PAPPA2: variants seen among roughly 807,000 people sequenced by gnomAD.
The protein encoded by PAPPA2 is pappalysin 2.
In PAPPA2, 86 loss-of-function variants were observed where a neutral mutation model predicts 176.4. The observed-to-expected ratio is 0.49, with a 90% CI of 0.41 to 0.58. The LOEUF is 0.58. Among genes scored for constraint, PAPPA2 ranks in the 20% least tolerant of loss-of-function variants. The probability of loss-of-function intolerance (pLI) is 0.00; values close to 1 mark genes in which losing one functional copy is unlikely to be tolerated. For synonymous variants in PAPPA2, 809 were observed against 852.2 expected, an observed-to-expected ratio of 0.95 and a Z score of 0.88; for missense variants, 2,073 against 2,256.9, an observed-to-expected ratio of 0.92 and a Z score of 1.65.
At chr1:176,744,736 A>T (rs140264336) in intron 14 of PAPPA2, among the ~76,000 whole-genome samples, 1 of 152,192 alleles carries the variant, frequency 6.6e-6, no homozygotes, top group Non-Finnish European at 1.5e-5. Flanking sequence ...TGGCTTCATT[A>T]CTATTCTCTC....
chr1:176,639,522 A>G (rs1394200827), intron 3 of PAPPA2, among the ~76,000 whole-genome samples: 3 of 152,070 alleles, frequency 2.0e-5, no homozygotes, highest in Non-Finnish European at 4.4e-5. Context: ...TTCAAACAGT[A>G]AAGGAATAGT....
chr1:176,539,316 G>A (rs1348220782), intron 1 of PAPPA2, among the ~76,000 whole-genome samples: 1 of 152,206 alleles, frequency 6.6e-6, no homozygotes, highest in Non-Finnish European at 1.5e-5. Flanking sequence ...CCAGGGGCAG[G>A]TTGAAGGCAC....
rs531751528 is a variant in PAPPA2 at position 176,640,180 on chromosome 1, A to ATTAT, written c.1992-30772_1992-30769dup. 6.3e-4 allele frequency among the ~76,000 whole-genome samples: 94 copies of ATTAT among 148,812 alleles called. 1 individual carries two copies. In the East Asian group the frequency reaches 0.013, roughly 21 times the overall value. ...AATTTTATTTTTTATTTTTATTTTT[A>ATTAT]TTATTTATTTATTTATTTATTATTA... On this transcript the variant is annotated intron_variant, in intron 3 of 22. Transcript: ENST00000367662.
At chr1:176,645,420 G>A (rs1657343000) in intron 3 of PAPPA2, among the ~76,000 whole-genome samples, 1 of 151,676 alleles carries the variant, frequency 6.6e-6, no homozygotes. Flanking sequence ...CAAATGACAG[G>A]ATTTCATTCT....
At chr1:176,775,590 T>G (rs1023531800) in intron 17 of PAPPA2, among the ~76,000 whole-genome samples, 1 of 152,164 alleles carries the variant, frequency 6.6e-6, no homozygotes, top group African/African-American at 2.4e-5. Context: ...ACCAGAACAA[T>G]GCTTCTCATA....
At chr1:176,464,754 A>G (rs370459498) in intron 1 of PAPPA2, among the ~76,000 whole-genome samples, 2 of 152,368 alleles carry the variant, frequency 1.3e-5, no homozygotes, top group South Asian at 2.1e-4. Flanking sequence ...CTTCTTAACT[A>G]GTTCACTGTA....
At chr1:176,602,288 C>T (rs1180014505) in intron 3 of PAPPA2, among the ~76,000 whole-genome samples, 2 of 152,142 alleles carry the variant, frequency 1.3e-5, no homozygotes, top group African/African-American at 2.4e-5. Flanking sequence ...GCAAGGCTTG[C>T]CCATGGCACA....
chr1:176,713,928 A>G (rs1338929900), intron 12 of PAPPA2, among the ~76,000 whole-genome samples: 1 of 152,202 alleles, frequency 6.6e-6, no homozygotes, highest in Non-Finnish European at 1.5e-5. Context: ...AAGAGGTTTA[A>G]GAGCTAATAA....
rs1330050275 is a variant in PAPPA2 at position 176,688,946 on chromosome 1, C to T, written c.2138-1191C>T. Among the ~76,000 whole-genome samples the T allele has an allele frequency of 2.6e-5, 4 of 152,304 alleles. 1 individual carries two copies. The highest frequency in any genetic ancestry group is 9.6e-5 in the African/African-American group (4 of 41,560). On this transcript the variant is annotated intron_variant, in intron 4 of 22. Coordinates refer to ENST00000367662, the MANE Select transcript of PAPPA2 (RefSeq NM_020318.3). Reference sequence around the variant, plus strand: ...GGCAAGAGAAAGGCAGAGCTATTCTCCTGGAGGACCTGCTATACTCAGAAG... The same window carrying T: ...GGCAAGAGAAAGGCAGAGCTATTCTTCTGGAGGACCTGCTATACTCAGAAG...
At chr1:176,628,220 A>G (rs1304496184) in intron 3 of PAPPA2, among the ~76,000 whole-genome samples, 2 of 86,750 alleles carry the variant, frequency 2.3e-5, no homozygotes, top group Admixed American at 2.0e-4. Context: ...CAAGGGCAGG[A>G]GGGTTCAGAA....
At chr1:176,763,388 A>G (rs1470244061) in intron 14 of PAPPA2, among the ~76,000 whole-genome samples, 1 of 152,218 alleles carries the variant, frequency 6.6e-6, no homozygotes, top group Non-Finnish European at 1.5e-5. Context: ...AGTGCTCAGT[A>G]AATGCTTATT....
chr1:176,486,240 C>G (rs1652639806), intron 1 of PAPPA2, among the ~76,000 whole-genome samples: 1 of 152,130 alleles, frequency 6.6e-6, no homozygotes, highest in African/African-American at 2.4e-5. Flanking sequence ...ATCCTTATGC[C>G]AAAGTAGCAT....
chr1:176,835,432 G>T (rs1667235026), intron 21 of PAPPA2, among the ~76,000 whole-genome samples: 1 of 152,170 alleles, frequency 6.6e-6, no homozygotes, highest in Non-Finnish European at 1.5e-5. Flanking sequence ...GGGATTGCTG[G>T]ATCACATAAT....
At chr1:176,524,285 A>C (rs1649363659) in intron 1 of PAPPA2, among the ~76,000 whole-genome samples, 1 of 152,212 alleles carries the variant, frequency 6.6e-6, no homozygotes, top group Non-Finnish European at 1.5e-5. Flanking sequence ...CTCCTCTGGC[A>C]GGGAGAATTT....
At chr1:176,491,003 G>A (rs577533018) in intron 1 of PAPPA2, among the ~76,000 whole-genome samples, 1 of 152,304 alleles carries the variant, frequency 6.6e-6, no homozygotes, top group South Asian at 2.1e-4. Context: ...TCACATGCTG[G>A]CTCTGCCTGT....
At chr1:176,522,707 C>A (rs1367551265) in intron 1 of PAPPA2, among the ~76,000 whole-genome samples, 1 of 152,204 alleles carries the variant, frequency 6.6e-6, no homozygotes, top group Non-Finnish European at 1.5e-5. Context: ...CATTGCCATG[C>A]CTCTTGCTTC....
At chr1:176,547,376 G>A (rs1291321238) in intron 1 of PAPPA2, among the ~76,000 whole-genome samples, 2 of 152,112 alleles carry the variant, frequency 1.3e-5, no homozygotes, top group South Asian at 2.1e-4. Context: ...TTACACTACT[G>A]TTCCCAATAA....
intron 1 of PAPPA2, among the ~76,000 whole-genome samples, chr1:176,482,189 GA>G (rs1335059764): frequency 6.6e-6 from 1 of 152,194 alleles, no homozygotes; most frequent in African/African-American, 2.4e-5. Flanking sequence ...ACGCAATTCA[GA>G]AAAGTCTCCC....
intron 4 of PAPPA2, 70 bp downstream of exon 4, chr1:176,671,185 G>C: frequency 1.3e-6 from 2 of 1,581,450 alleles, no homozygotes; most frequent in Non-Finnish European, 1.7e-6. Context: ...GCGAAAGTAA[G>C]TTTGGGGAAA....
Sources: allele counts gnomAD v4.1 joint callset (sites outside exome capture counted in the v4.1 genomes callset), GRCh38; gene constraint gnomAD v4.1.1; transcripts MANE v1.5; gene names NCBI Gene and HGNC (gene_info 2026-07-23, HGNC 2026-07-21).